The following ANKRD27 variants were observed in gnomAD, a reference collection of about 807,000 sequenced individuals.
ANKRD27 encodes ankyrin repeat domain-containing protein 27.
Under a neutral mutation model 129.7 loss-of-function variants are expected in ANKRD27, and 112 were observed. The ratio of observed to expected loss-of-function variants is 0.86; its 90% CI spans 0.74 to 1.01. The LOEUF is 1.01. Ranked by LOEUF, ANKRD27 falls within the 50% of genes least tolerant of loss-of-function variation. The pLI, the probability that ANKRD27 is intolerant of heterozygous loss-of-function variation, is 0.00. For missense variants in ANKRD27, 1,258 were observed against 1,300.5 expected (o/e 0.97, Z 0.50); for synonymous variants, 516 against 511.2 (o/e 1.01, Z -0.13).
At chr19:32,665,022 G>A (rs1034089373) in intron 1 of ANKRD27, among the ~76,000 whole-genome samples, 3 of 150,260 alleles carry the variant, frequency 2.0e-5, no homozygotes, top group African/African-American at 7.3e-5. Context: ...AGCACTTCTC[G>A]ATTCATACTA....
Position 32,619,339 on chromosome 19 carries a change from C to T in ANKRD27, c.1928G>A (p.Ser643Asn), listed in dbSNP as rs531216908. ...QSPQRSVDSI[S>N]QESSTSSFSS... is the part of the protein sequence containing the mutation. Reference sequence around the variant, plus strand: ...GAAGCTGGAAGTGGAGGACTCTTGGCTGATGGAGTCCACGGAGCGCTGCGG... The same window carrying T: ...GAAGCTGGAAGTGGAGGACTCTTGGTTGATGGAGTCCACGGAGCGCTGCGG... The change falls in exon 20 of 29, where the codon AGC becomes AAC. Residue 643 changes from serine to asparagine, a missense_variant. Ser to Asn is a conservative substitution (Grantham distance 46). Coordinates refer to ENST00000306065, the MANE Select transcript of ANKRD27 (RefSeq NM_032139.3). 2 of 1,613,514 alleles carry T rather than the reference C, an allele frequency of 1.2e-6. No homozygotes were observed. The highest frequency in any genetic ancestry group is 3.3e-5 in the Admixed American group (2 of 59,962).
At position 32,659,609 on chromosome 19, in the gene ANKRD27, A is replaced by G. The variant is rs1346096701; in HGVS notation, c.-30-564T>C. ...TTTTTAGAATATCCTACATGACCAA[A>G]ATTATGACATTCTCAAGATACTCAT... On this transcript the variant is annotated intron_variant, in intron 1 of 28. Coordinates refer to ENST00000306065, the MANE Select transcript of ANKRD27 (RefSeq NM_032139.3). 5.3e-5 allele frequency among the ~76,000 whole-genome samples: 8 copies of G among 152,246 alleles called. No individual in the cohort carries two copies. The East Asian group carries it at 1.5e-3, about 29-fold the overall frequency.
At chr19:32,602,762 C>T (rs903360943) in intron 25 of ANKRD27, among the ~76,000 whole-genome samples, 5 of 152,000 alleles carry the variant, frequency 3.3e-5, no homozygotes, top group Non-Finnish European at 5.9e-5. Flanking sequence ...TGGTGGCACA[C>T]GCCTATAGTC....
At chr19:32,629,080 C>G (rs1057031000) in intron 13 of ANKRD27, among the ~76,000 whole-genome samples, 1 of 152,156 alleles carries the variant, frequency 6.6e-6, no homozygotes, top group African/African-American at 2.4e-5. Context: ...GCCACCACAC[C>G]TGGCTAATTT....
chr19:32,614,416 C>T (rs1406224895), intron 22 of ANKRD27, among the ~76,000 whole-genome samples: 1 of 152,028 alleles, frequency 6.6e-6, no homozygotes, highest in Non-Finnish European at 1.5e-5. Flanking sequence ...TGTAAAAGAA[C>T]AAGGAGGCCA....
rs1396713735 is a variant in ANKRD27, at chr19:32,619,457, C to A, written c.1887+37G>T. 6 of 1,613,900 alleles carry A rather than the reference C, an allele frequency of 3.7e-6. No homozygotes were observed. The Admixed American group carries it at 1.0e-4, about 27-fold the overall frequency. ...GGACCAGAGAAGGCGCCCTTGGTCT[C>A]CAAGGTAACCTGACCTGCTCAGCCC... is the stretch of plus-strand genomic sequence containing the variant. On this transcript the variant is annotated intron_variant, in intron 19 of 28. Transcript: ENST00000306065.
intron 1 of ANKRD27, among the ~76,000 whole-genome samples, chr19:32,660,204 G>A (rs1275856891): frequency 6.6e-6 from 1 of 152,188 alleles, no homozygotes; most frequent in Admixed American, 6.5e-5. Context: ...GGGCCTTTGG[G>A]GGTGATTAGG....
intron 26 of ANKRD27, among the ~76,000 whole-genome samples, chr19:32,600,776 C>T (rs2903754): frequency 0.63 from 94,950 of 151,850 alleles, 34,011 homozygotes; most frequent in Non-Finnish European, 0.79. Flanking sequence ...CAACCAATTA[C>T]GGTGAGACAG....
At chr19:32,599,404 G>T (rs1971617296) in intron 28 of ANKRD27, among the ~76,000 whole-genome samples, 1 of 152,154 alleles carries the variant, frequency 6.6e-6, no homozygotes, top group Non-Finnish European at 1.5e-5. Flanking sequence ...TCTTTCTTTG[G>T]TGATTAAAAC....
chr19:32,656,046 A>G (rs181088223), intron 2 of ANKRD27, among the ~76,000 whole-genome samples: 9 of 46,260 alleles, frequency 1.9e-4, no homozygotes, highest in African/African-American at 2.9e-4. Flanking sequence ...GAAAGAAAAG[A>G]AAGAAAAGAA....
Position 32,615,790 on chromosome 19 carries a change from G to A in ANKRD27, c.2053-10C>T. The A allele has an allele frequency of 1.9e-6, 3 of 1,609,638 alleles. No homozygotes were observed. The highest frequency in any genetic ancestry group is 2.2e-5 in the South Asian group (2 of 90,762). On this transcript the variant is annotated splice_polypyrimidine_tract_variant and intron_variant, in intron 21 of 28. Coordinates refer to ENST00000306065, the MANE Select transcript of ANKRD27 (RefSeq NM_032139.3). ...CCAACAGGTAACGCACCTGGTGATG[G>A]AGAGTAACGGAAACAGGAACACATC...
Position 32,615,736 on chromosome 19 carries a change from C to G in ANKRD27, c.2097G>C (p.Ala699=), listed in dbSNP as rs200880746. 1 of 1,614,132 alleles carries G rather than the reference C, an allele frequency of 6.2e-7. No homozygotes were observed. Among genetic ancestry groups the G allele is most frequent in the Non-Finnish European group, 8.5e-7 (1 of 1,180,030 alleles). ...LEWTEEDLED[A]EDTVSAADPE... is the part of the protein sequence containing the mutation. Reference sequence around the variant, plus strand: ...GGTCCGCTGCACTGACAGTGTCCTCCGCATCCTCCAGGTCCTCCTCTGTCC... The same window carrying G: ...GGTCCGCTGCACTGACAGTGTCCTCGGCATCCTCCAGGTCCTCCTCTGTCC... Residue 699 remains alanine, a synonymous_variant, in exon 22 of 29, where the codon GCG becomes GCC. Transcript: ENST00000306065.
chr19:32,646,426 AACAGGAG>A, intron 4 of ANKRD27, 26 bp downstream of exon 4: 1 of 1,582,932 alleles, frequency 6.3e-7, no homozygotes, highest in South Asian at 1.1e-5. Context: ...ATTTTTCTAA[AACAGGAG>A]AAAAAGGTTT....
At chr19:32,640,146 G>T (rs1269378020) in intron 11 of ANKRD27, among the ~76,000 whole-genome samples, 161 bp downstream of exon 11, 2 of 152,144 alleles carry the variant, frequency 1.3e-5, no homozygotes, top group Non-Finnish European at 2.9e-5. Context: ...GTATTTTTTA[G>T]TAGAGACGGG....
chr19:32,614,757 T>C (rs1971887931), intron 22 of ANKRD27, among the ~76,000 whole-genome samples: 1 of 152,070 alleles, frequency 6.6e-6, no homozygotes, highest in Non-Finnish European at 1.5e-5. Context: ...ATATCTTGAA[T>C]GTGATGGTGG....
chr19:32,632,729 T>C (rs1350161371), intron 12 of ANKRD27, among the ~76,000 whole-genome samples: 1 of 152,076 alleles, frequency 6.6e-6, no homozygotes, highest in Non-Finnish European at 1.5e-5. Context: ...AAAAGGGTCT[T>C]GGTGGGAAGT....
chr19:32,614,058 C>T (rs930120260), intron 22 of ANKRD27, among the ~76,000 whole-genome samples: 39 of 152,020 alleles, frequency 2.6e-4, no homozygotes, highest in African/African-American at 6.7e-4. Context: ...TGGTTGCCAG[C>T]GGTTGGGGAT....
chr19:32,674,887 C>T (rs892748549), intron 1 of ANKRD27, among the ~76,000 whole-genome samples, 184 bp downstream of exon 1: 1 of 151,970 alleles, frequency 6.6e-6, no homozygotes, highest in African/African-American at 2.4e-5. Flanking sequence ...GCGCACCGGG[C>T]ACCCACCTGG....
chr19:32,650,754 AT>A (rs33927296), intron 2 of ANKRD27, among the ~76,000 whole-genome samples: 4 of 140,232 alleles, frequency 2.9e-5, no homozygotes, highest in East Asian at 2.0e-4. Context: ...GCTTTTATTT[AT>A]TTTTTTTTTT....
Sources: allele counts gnomAD v4.1 joint callset (sites outside exome capture counted in the v4.1 genomes callset), GRCh38; gene constraint gnomAD v4.1.1; transcripts MANE v1.5; gene names NCBI Gene and HGNC (gene_info 2026-07-23, HGNC 2026-07-21).